The following CWH43 variants were observed in gnomAD, a reference collection of about 807,000 sequenced individuals.
The protein encoded by CWH43 is PGAP2-interacting protein.
Under a neutral mutation model 85.7 loss-of-function variants are expected in CWH43, and 91 were observed. The observed-to-expected ratio is 1.06, with a 90% CI of 0.90 to 1.26. The LOEUF is 1.26. CWH43 is among the 50% of genes most tolerant of loss of function. The pLI, the probability that CWH43 is intolerant of heterozygous loss-of-function variation, is 0.00. For missense variants in CWH43, 869 were observed against 839.2 expected (o/e 1.04, Z -0.44); for synonymous variants, 323 against 293.6 (o/e 1.10, Z -1.02).
intron 15 of CWH43, among the ~76,000 whole-genome samples, chr4:49,057,435 A>C (rs1228163029): frequency 1.3e-5 from 2 of 152,206 alleles, no homozygotes; most frequent in African/African-American, 4.8e-5. Flanking sequence ...GTAAATATGC[A>C]TTTATCTCAG....
intron 8 of CWH43, among the ~76,000 whole-genome samples, chr4:49,007,539 A>G (rs1257313613): frequency 6.6e-5 from 10 of 152,180 alleles, no homozygotes; most frequent in Admixed American, 5.9e-4. Flanking sequence ...GGTTTGTTAC[A>G]TAGGTATACA....
At chr4:49,016,809 G>A in intron 8 of CWH43, 1 of 777,038 alleles carries the variant, frequency 1.3e-6, no homozygotes, top group African/African-American at 1.7e-5. Flanking sequence ...CTCTGCCAGA[G>A]CACGGGCCAC....
intron 14 of CWH43, among the ~76,000 whole-genome samples, chr4:49,046,646 C>A (rs1288897373): frequency 6.6e-6 from 1 of 151,970 alleles, no homozygotes; most frequent in Non-Finnish European, 1.5e-5. Flanking sequence ...AGGGACCCCA[C>A]CTGTGCATAC....
At chr4:49,045,590 A>G (rs1784598416) in intron 14 of CWH43, among the ~76,000 whole-genome samples, 1 of 152,204 alleles carries the variant, frequency 6.6e-6, no homozygotes, top group African/African-American at 2.4e-5. Context: ...ACAGGTTTGT[A>G]GCCTAGGAGC....
intron 13 of CWH43, among the ~76,000 whole-genome samples, chr4:49,042,506 A>G (rs922318491): frequency 2.6e-5 from 4 of 152,226 alleles, no homozygotes; most frequent in Admixed American, 6.5e-5. Context: ...GGAGATGTCC[A>G]ATAGGCAGGT....
rs142708462 is a variant in CWH43 at position 48,998,525 on chromosome 4, C to T, written c.779C>T (p.Thr260Ile). The change falls in exon 6 of 16, where the codon ACT (threonine) becomes ATT (isoleucine). Residue 260 changes from threonine (T) to isoleucine (I), a missense_variant. Coordinates refer to ENST00000226432, the MANE Select transcript of CWH43 (RefSeq NM_025087.3). Reference protein sequence around the residue: ...MLPSCLWFRGTGLIWWVTGTA... With the variant: ...MLPSCLWFRGIGLIWWVTGTA... ...CCATCTTGTTTGTGGTTTCGTGGTA[C>T]TGGTTTGATCTGGTGGGTTACAGGT... 5,566 of 1,613,636 alleles carry T rather than the reference C, an allele frequency of 3.4e-3. 16 individuals carry two copies. The highest frequency in any genetic ancestry group is 4.1e-3 in the Non-Finnish European group (4,875 of 1,179,606).
At chr4:49,032,105 CTG>C (rs1338606252) in intron 11 of CWH43, among the ~76,000 whole-genome samples, 3 of 152,212 alleles carry the variant, frequency 2.0e-5, no homozygotes, top group African/African-American at 7.2e-5. Flanking sequence ...CTGCCAAGGA[CTG>C]AGCTCTGTGG....
intron 7 of CWH43, among the ~76,000 whole-genome samples, chr4:49,004,334 GCTGC>G (rs1343854698): frequency 3.9e-5 from 6 of 152,336 alleles, no homozygotes; most frequent in African/African-American, 1.4e-4. Flanking sequence ...TGATACTCAT[GCTGC>G]CACTTCAGTG....
In CWH43 at chr4:49,003,926, T is replaced by C. The variant is rs1783074364; in HGVS notation, c.994T>C (p.Trp332Arg). 6.2e-7 allele frequency: 1 copy of C among 1,613,334 alleles called. No individual in the cohort carries two copies. The highest frequency in any genetic ancestry group is 8.5e-7 in the Non-Finnish European group (1 of 1,179,552). Residue 332 changes from tryptophan (W) to arginine (R), a missense_variant, in exon 7 of 16, where the codon TGG becomes CGG. Transcript: ENST00000226432. ...FYLLEIFFCA[W>R]CTAFKFVPGG... is the part of the protein sequence containing the mutation. ...TCTTCTAGAAATATTTTTCTGTGCC[T>C]GGTGCACAGCTTTTAAGTTTGTCCC...
At chr4:49,045,037 A>C (rs1560512557) in intron 14 of CWH43, among the ~76,000 whole-genome samples, 190 bp downstream of exon 14, 1 of 152,202 alleles carries the variant, frequency 6.6e-6, no homozygotes, top group East Asian at 1.9e-4. Flanking sequence ...CTCATAATTT[A>C]CAAAAGTAGA....
At chr4:49,036,999 T>C (rs1043903876) in intron 12 of CWH43, among the ~76,000 whole-genome samples, 2 of 152,202 alleles carry the variant, frequency 1.3e-5, no homozygotes, top group African/African-American at 4.8e-5. Context: ...TGGTTTCTTA[T>C]TGTTATTAAT....
At chr4:49,016,783 T>C (rs1783561124) in intron 8 of CWH43, 3 of 776,246 alleles carry the variant, frequency 3.9e-6, no homozygotes, top group Admixed American at 1.7e-5. Context: ...CCAATGCAGG[T>C]GATTACTCCA....
intron 1 of CWH43, 97 bp downstream of exon 1, chr4:48,986,569 G>C: frequency 1.4e-5 from 21 of 1,532,620 alleles, no homozygotes; most frequent in Non-Finnish European, 1.8e-5. Flanking sequence ...GTTCAGGTAG[G>C]AGGAAAAGGG....
In CWH43 at chr4:49,038,121, A is replaced by G. The variant is rs765579094; in HGVS notation, c.1744A>G (p.Ile582Val). 2.5e-6 allele frequency: 4 copies of G among 1,612,666 alleles called. No homozygotes were observed. The highest frequency in any genetic ancestry group is 2.2e-5 in the East Asian group (1 of 44,844). ...SSNQVIFLGY[I>V]TSAPGSRDYL... Reference sequence around the variant, plus strand: ...TAATCAAGTGATATTTCTGGGATATATCACTTCAGCACCTGGCTCCAGAGA... The same window carrying G: ...TAATCAAGTGATATTTCTGGGATATGTCACTTCAGCACCTGGCTCCAGAGA... The change falls in exon 13 of 16, where the codon ATC (isoleucine) becomes GTC (valine). Residue 582 changes from isoleucine (I) to valine (V), a missense_variant. This residue lies in a region of CWH43 where 577 missense variants were observed against 513.1 expected (regional missense o/e 1.12). Transcript: ENST00000226432.
At chr4:48,998,914 A>C (rs1782903869) in intron 6 of CWH43, among the ~76,000 whole-genome samples, 1 of 152,212 alleles carries the variant, frequency 6.6e-6, no homozygotes, top group Non-Finnish European at 1.5e-5. Context: ...GTATAAACTT[A>C]TGGGTTACAA....
chr4:49,003,986 C>T lies in CWH43; in HGVS notation c.1054C>T (p.Leu352Phe), dbSNP rs1215456344. The T allele has an allele frequency of 1.9e-6, 3 of 1,608,826 alleles. No individual in the cohort carries two copies. In the African/African-American group the frequency reaches 4.0e-5, roughly 22 times the overall value. The change falls in exon 7 of 16, where the codon CTT becomes TTT. Residue 352 changes from leucine to phenylalanine, a missense_variant. By Grantham distance (22) the Leu-to-Phe change is conservative. This residue lies in a region of CWH43 where 577 missense variants were observed against 513.1 expected (regional missense o/e 1.12). Coordinates refer to ENST00000226432, the MANE Select transcript of CWH43 (RefSeq NM_025087.3). ...GVYARERSDV[L>F]LGTMMLIIGL... ...CTACGCTAGAGAAAGATCAGATGTG[C>T]TTTTGGGTGAGTACATTTGAAAGGT... is the stretch of plus-strand genomic sequence containing the variant.
rs149402114 is a variant in CWH43, at chr4:49,028,716, C to T, written c.1354C>T (p.His452Tyr). The T allele has an allele frequency of 2.5e-6, 4 of 1,609,582 alleles. No homozygotes were observed. Among genetic ancestry groups the T allele is most frequent in the Non-Finnish European group, 3.4e-6 (4 of 1,176,296 alleles). Residue 452 changes from histidine to tyrosine, a missense_variant, in exon 10 of 16, where the codon CAC (histidine) becomes TAC (tyrosine). Transcript: ENST00000226432. ...GTGGTCTAGTCTAGAAAGATCAGCT[C>T]ACCTGCTCAATGAAACAGGTAAGTC... ...EGWSSLERSA[H>Y]LLNETGADFI...
At chr4:48,991,678 G>A in intron 3 of CWH43, 104 bp downstream of exon 3, 1 of 1,344,252 alleles carries the variant, frequency 7.4e-7, no homozygotes, top group Non-Finnish European at 1.0e-6. Context: ...CCTTCCATAT[G>A]GCTTTGTCAA....
chr4:49,038,314 A>G (rs936535526), intron 13 of CWH43, 134 bp downstream of exon 13: 1 of 668,302 alleles, frequency 1.5e-6, no homozygotes, highest in African/African-American at 1.9e-5. Flanking sequence ...ATCACCACAA[A>G]ACATGTGAGC....
Sources: allele counts gnomAD v4.1 joint callset (sites outside exome capture counted in the v4.1 genomes callset), GRCh38; gene constraint gnomAD v4.1.1; regional missense constraint gnomAD v4.1.1; transcripts MANE v1.5; gene names NCBI Gene and HGNC (gene_info 2026-07-23, HGNC 2026-07-21).